GRAMD1B: variants seen among roughly 807,000 people sequenced by gnomAD.
GRAMD1B encodes GRAM domain containing 1B.
In GRAMD1B, 37 loss-of-function variants were observed where a neutral mutation model predicts 99.7. The observed-to-expected ratio is 0.37, with a 90% CI of 0.29 to 0.49. GRAMD1B has a LOEUF of 0.49. Ranked by LOEUF, GRAMD1B falls within the 20% of genes least tolerant of loss-of-function variation. The probability of loss-of-function intolerance (pLI) is 0.98; values close to 1 mark genes in which losing one functional copy is unlikely to be tolerated. For missense variants in GRAMD1B, 888 were observed against 1,009.2 expected, an observed-to-expected ratio of 0.88 and a Z score of 1.63; for synonymous variants, 427 against 387.6, an observed-to-expected ratio of 1.10 and a Z score of -1.19.
At chr11:123,379,320 G>A (rs77100240) in intron 1 of GRAMD1B, among the ~76,000 whole-genome samples, 1,664 of 152,140 alleles carry the variant, frequency 0.011, 31 homozygotes, top group African/African-American at 0.039. Context: ...TTTCGTTGAC[G>A]GATGATGCCT....
intron 1 of GRAMD1B, among the ~76,000 whole-genome samples, chr11:123,375,915 A>G (rs1011466011): frequency 1.3e-5 from 2 of 152,184 alleles, no homozygotes; most frequent in African/African-American, 4.8e-5. Flanking sequence ...TTCTGGGGGA[A>G]GAACAAGAGA....
intron 7 of GRAMD1B, chr11:123,598,677 C>T (rs1169118166): frequency 9.2e-7 from 1 of 1,081,166 alleles, no homozygotes; most frequent in Non-Finnish European, 1.4e-6. Flanking sequence ...TCTGTCCAAA[C>T]CCAGAGAGGC....
rs1305525543 is a variant in GRAMD1B at position 123,492,888 on chromosome 11, ACACACACG to A, written c.452+11998_452+12005del. 4.0e-5 allele frequency among the ~76,000 whole-genome samples: 6 copies of A among 151,814 alleles called. No homozygotes were observed. The highest frequency in any genetic ancestry group is 1.5e-4 in the African/African-American group (6 of 41,330). On this transcript the variant is annotated intron_variant, in intron 2 of 19. Coordinates refer to ENST00000635736, the MANE Select transcript of GRAMD1B (RefSeq NM_001387025.1). This position sits in a 1 kb window ranked among gnomAD's most constrained non-coding sequence, Gnocchi z 4.2. ...CATACACACACACACACACACACAC[ACACACACG>A]CATAGGCATAGATGCCTGTGATTGT...
intron 6 of GRAMD1B, 39 bp from the exon 7 acceptor site, chr11:123,595,903 C>A: frequency 8.2e-7 from 1 of 1,214,518 alleles, no homozygotes. Context: ...TAATGCCCCA[C>A]TTTGCTTGTT....
chr11:123,365,496 C>A (rs1418613690), intron 1 of GRAMD1B, among the ~76,000 whole-genome samples: 1 of 152,198 alleles, frequency 6.6e-6, no homozygotes, highest in African/African-American at 2.4e-5. Context: ...AGGTGATCCA[C>A]CCACCTTAGC....
chr11:123,499,296 C>T lies in GRAMD1B; in HGVS notation c.452+18403C>T, dbSNP rs561212330. ...TGTTATAACACAGGAAGAAGTCCCT[C>T]ACCAGATGTGGCTCCTTTGTCTTGA... On this transcript the variant is annotated intron_variant, in intron 2 of 19. Coordinates refer to ENST00000635736, the MANE Select transcript of GRAMD1B (RefSeq NM_001387025.1). 6.6e-5 allele frequency among the ~76,000 whole-genome samples: 10 copies of T among 152,322 alleles called. No individual in the cohort carries two copies. In the East Asian group the frequency reaches 1.9e-3, roughly 29 times the overall value.
chr11:123,488,033 A>G (rs139124918), intron 2 of GRAMD1B, among the ~76,000 whole-genome samples: 248 of 152,316 alleles, frequency 1.6e-3, no homozygotes, highest in African/African-American at 5.5e-3. Flanking sequence ...GAGCCCGGGA[A>G]GTCCAAGATC....
At chr11:123,557,554 T>C (rs1264588241) in intron 2 of GRAMD1B, among the ~76,000 whole-genome samples, 1 of 152,240 alleles carries the variant, frequency 6.6e-6, no homozygotes, top group Non-Finnish European at 1.5e-5. Context: ...ATAGTAGCTG[T>C]AGTTTACTGG....
At chr11:123,605,958 C>G (rs1476234682) in intron 10 of GRAMD1B, among the ~76,000 whole-genome samples, 1 of 152,208 alleles carries the variant, frequency 6.6e-6, no homozygotes, top group African/African-American at 2.4e-5. Context: ...AAGAGAACCT[C>G]TGTCCTGTGG....
intron 1 of GRAMD1B, among the ~76,000 whole-genome samples, chr11:123,385,529 G>A (rs1947026315): frequency 2.0e-5 from 3 of 151,710 alleles, no homozygotes; most frequent in Non-Finnish European, 2.9e-5. Context: ...TACCTTTCCT[G>A]TCCACTGCCC....
chr11:123,572,979 G>A, intron 2 of GRAMD1B, among the ~76,000 whole-genome samples: 1 of 151,122 alleles, frequency 6.6e-6, no homozygotes, highest in Non-Finnish European at 1.5e-5. Context: ...CGATAGCTGA[G>A]GCAGAGGCGC....
chr11:123,576,504 C>A (rs543958666), intron 2 of GRAMD1B, among the ~76,000 whole-genome samples: 1 of 152,348 alleles, frequency 6.6e-6, no homozygotes, highest in East Asian at 1.9e-4. Context: ...CTCATCTCTT[C>A]TTCTAGTCCA....
chr11:123,387,513 C>T (rs1473937515), intron 1 of GRAMD1B, among the ~76,000 whole-genome samples: 1 of 152,032 alleles, frequency 6.6e-6, no homozygotes, highest in Admixed American at 6.6e-5. Context: ...GGAGAGTGGG[C>T]TCTTGTGCCA....
rs898857215 is a variant in GRAMD1B at position 123,422,169 on chromosome 11, G to C, written c.-175-58647G>C. ...CCATTTGTAGGAGAGGGATGTGGGG[G>C]GGATACAAGCAGGGGTGCTTGCCAC... On this transcript the variant is annotated intron_variant, in intron 1 of 20. Coordinates refer to the GRAMD1B transcript ENST00000638157. Among the ~76,000 whole-genome samples, 6 of 152,312 alleles carry C rather than the reference G, an allele frequency of 3.9e-5. No homozygotes were observed. In the East Asian group the frequency reaches 1.2e-3, roughly 29 times the overall value.
At chr11:123,474,583 A>G (rs1387285860) in intron 1 of GRAMD1B, among the ~76,000 whole-genome samples, 1 of 152,230 alleles carries the variant, frequency 6.6e-6, no homozygotes, top group East Asian at 1.9e-4. Flanking sequence ...TTAGAAGGCT[A>G]ATAAGAAACA....
intron 2 of GRAMD1B, among the ~76,000 whole-genome samples, chr11:123,500,683 A>AT (rs1225475575): frequency 2.8e-4 from 42 of 149,158 alleles, no homozygotes; most frequent in Admixed American, 4.0e-4. Flanking sequence ...AAACCTTTTT[A>AT]TTTTTTTTTT....
chr11:123,428,667 G>A (rs879807966), upstream of GRAMD1B, among the ~76,000 whole-genome samples: 2 of 152,220 alleles, frequency 1.3e-5, no homozygotes, highest in Non-Finnish European at 2.9e-5. Flanking sequence ...CATCCTTGAT[G>A]TCTTGCTGAA....
At chr11:123,611,593 C>A (rs1294443442) in intron 14 of GRAMD1B, among the ~76,000 whole-genome samples, 2 of 152,190 alleles carry the variant, frequency 1.3e-5, no homozygotes, top group East Asian at 1.9e-4. Flanking sequence ...TCTTCTTGTC[C>A]TTTCCTCCAC....
intron 1 of GRAMD1B, among the ~76,000 whole-genome samples, chr11:123,422,638 T>C (rs1315715917): frequency 6.6e-6 from 1 of 152,216 alleles, no homozygotes; most frequent in Non-Finnish European, 1.5e-5. Flanking sequence ...CTTTTTGGAA[T>C]TCCAATAACA....
Sources: gnomAD v4.1 joint callset for allele counts (sites outside exome capture counted in the v4.1 genomes callset) on GRCh38, gnomAD v4.1.1 for gene constraint, Gnocchi (gnomAD v3.1) non-coding constraint, MANE v1.5 for transcripts, NCBI Gene and HGNC (gene_info 2026-07-23, HGNC 2026-07-21) for gene names.